The following ZNF277 variants were observed in gnomAD, a reference collection of about 807,000 sequenced individuals.
ZNF277 encodes zinc finger protein 277.
A neutral mutation model predicts 60.7 loss-of-function variants in ZNF277; 55 were observed. The ratio of observed to expected loss-of-function variants is 0.91; its 90% CI spans 0.73 to 1.13. The LOEUF (loss-of-function observed/expected upper bound fraction) is 1.13. Ranked by LOEUF, ZNF277 falls within the 50% of genes most tolerant of loss-of-function variation. The pLI is 0.00. For missense variants in ZNF277, 510 were observed against 523.0 expected, an observed-to-expected ratio of 0.98 and a Z score of 0.24; for synonymous variants, 178 against 179.3, an observed-to-expected ratio of 0.99 and a Z score of 0.06.
intron 1 of ZNF277, among the ~76,000 whole-genome samples, chr7:112,273,357 G>T (rs1362403582): frequency 1.3e-5 from 2 of 152,090 alleles, no homozygotes; most frequent in African/African-American, 2.4e-5. Context: ...ATGCAAAGTC[G>T]CACAATCACT....
intron 1 of ZNF277, among the ~76,000 whole-genome samples, chr7:112,217,982 A>G (rs1419132056): frequency 6.6e-6 from 1 of 152,162 alleles, no homozygotes; most frequent in African/African-American, 2.4e-5. Flanking sequence ...TGACCTGACC[A>G]ATCAGCTCTT....
chr7:112,287,120 T>C (rs1291285040), intron 2 of ZNF277, 46 bp downstream of exon 2: 1 of 1,592,050 alleles, frequency 6.3e-7, no homozygotes, highest in Non-Finnish European at 8.6e-7. Flanking sequence ...TGACCATGTG[T>C]GGTGGCTCAT....
intron 1 of ZNF277, among the ~76,000 whole-genome samples, chr7:112,249,389 T>C (rs1205220586): frequency 6.6e-6 from 1 of 152,202 alleles, no homozygotes; most frequent in Non-Finnish European, 1.5e-5. Context: ...TGTGACTTTG[T>C]ACTGTGTTAA....
At chr7:112,253,316 G>A (rs1279201804) in intron 1 of ZNF277, among the ~76,000 whole-genome samples, 1 of 152,104 alleles carries the variant, frequency 6.6e-6, no homozygotes, top group Non-Finnish European at 1.5e-5. Flanking sequence ...CATGGAGATG[G>A]CATTTTCATT....
chr7:112,250,071 G>T (rs1234852542), intron 1 of ZNF277, among the ~76,000 whole-genome samples: 1 of 152,192 alleles, frequency 6.6e-6, no homozygotes, highest in Non-Finnish European at 1.5e-5. Flanking sequence ...GCAAATGGGA[G>T]AAATATCGCT....
chr7:112,307,611 C>T (rs1792630474), intron 4 of ZNF277, among the ~76,000 whole-genome samples: 1 of 151,788 alleles, frequency 6.6e-6, no homozygotes, highest in African/African-American at 2.4e-5. Flanking sequence ...GACGGGGTTT[C>T]ACCATGTTGG....
intron 1 of ZNF277, among the ~76,000 whole-genome samples, chr7:112,231,138 C>G (rs149694639): frequency 4.6e-5 from 7 of 151,284 alleles, no homozygotes; most frequent in Admixed American, 4.6e-4. Context: ...CACTTGAACC[C>G]GGGAGGCGGA....
intron 1 of ZNF277, among the ~76,000 whole-genome samples, chr7:112,257,378 G>A (rs1791339994): frequency 6.6e-6 from 1 of 152,162 alleles, no homozygotes; most frequent in Non-Finnish European, 1.5e-5. Flanking sequence ...ATAGACTTTA[G>A]CAGTATTTCA....
chr7:112,311,779 A>G (rs1190221108), intron 4 of ZNF277, among the ~76,000 whole-genome samples: 1 of 152,154 alleles, frequency 6.6e-6, no homozygotes, highest in African/African-American at 2.4e-5. Context: ...ATAGAAAAGA[A>G]AAAATACTTT....
chr7:112,251,433 T>C lies in ZNF277; in HGVS notation c.92-35440T>C, dbSNP rs182824039. On this transcript the variant is annotated intron_variant, in intron 1 of 11. Coordinates refer to ENST00000361822, the MANE Select transcript of ZNF277 (RefSeq NM_021994.3). The stretch of plus-strand genomic sequence containing the variant: ...AACTTAAAAAAGTGTTTGAGAAATG[T>C]TGCTCTCTAATAATAATACCAACTC... 9.8e-5 allele frequency among the ~76,000 whole-genome samples: 15 copies of C among 152,372 alleles called. No homozygotes were observed. In the East Asian group the frequency reaches 2.1e-3, roughly 22 times the overall value.
chr7:112,302,604 A>G lies in ZNF277; in HGVS notation c.465+6293A>G, dbSNP rs551300220. Among the ~76,000 whole-genome samples the G allele has an allele frequency of 9.9e-5, 15 of 152,220 alleles. No individual in the cohort carries two copies. In the South Asian group the frequency reaches 2.9e-3, roughly 29 times the overall value. On this transcript the variant is annotated intron_variant, in intron 4 of 11. Transcript: ENST00000361822. ...TTGAGTAAGTTTAACCTTCAGATTG[A>G]TGACTGCTTTCTTTGGGAAACAAAT...
intron 1 of ZNF277, among the ~76,000 whole-genome samples, chr7:112,277,130 C>T (rs1162574541): frequency 7.3e-6 from 1 of 137,854 alleles, no homozygotes; most frequent in Non-Finnish European, 1.5e-5. Flanking sequence ...GTCGCCCAGG[C>T]TGGAGTGCAG....
At position 112,231,613 on chromosome 7, in the gene ZNF277, C is replaced by CT. The variant is rs112087784; in HGVS notation, c.91+24817dup. On this transcript the variant is annotated intron_variant, in intron 1 of 11. Coordinates refer to ENST00000361822, the MANE Select transcript of ZNF277 (RefSeq NM_021994.3). ...GGCTCCTTCCATCTCCCCATCCTCCCTTTTTTTTTTTGGATAACTTTTTAT... is the reference window on the plus strand; with the variant it reads ...GGCTCCTTCCATCTCCCCATCCTCCCTTTTTTTTTTTTGGATAACTTTTTAT... Among the ~76,000 whole-genome samples, 366 of 144,350 alleles carry CT rather than the reference C, an allele frequency of 2.5e-3. 2 individuals are homozygous for CT. Among genetic ancestry groups the CT allele is most frequent in the African/African-American group, 7.9e-3 (315 of 39,636 alleles). 94.7% of individuals were successfully genotyped at this position (144,350 alleles called of 152,430 possible).
chr7:112,264,436 A>G (rs1339784393), intron 1 of ZNF277, among the ~76,000 whole-genome samples: 4 of 152,120 alleles, frequency 2.6e-5, no homozygotes, highest in Non-Finnish European at 5.9e-5. Flanking sequence ...TTTTCACTGC[A>G]ACTTTATTTA....
At chr7:112,315,030 A>G (rs1002308197) in intron 4 of ZNF277, among the ~76,000 whole-genome samples, 53 of 152,248 alleles carry the variant, frequency 3.5e-4, no homozygotes, top group African/African-American at 1.2e-3. Flanking sequence ...CTGGGCATGC[A>G]TCAGATAAAC....
intron 1 of ZNF277, among the ~76,000 whole-genome samples, chr7:112,242,099 T>C (rs191728590): frequency 8.5e-5 from 13 of 152,176 alleles, no homozygotes; most frequent in Admixed American, 8.5e-4. Context: ...TGTCAAAATA[T>C]CTTATGTACC....
intron 1 of ZNF277, among the ~76,000 whole-genome samples, chr7:112,272,201 C>T (rs1791685057): frequency 2.0e-5 from 3 of 152,104 alleles, no homozygotes; most frequent in Non-Finnish European, 4.4e-5. Flanking sequence ...ATTTTGTTCC[C>T]GGCTGATTTC....
chr7:112,249,516 A>C (rs900906540), intron 1 of ZNF277, among the ~76,000 whole-genome samples: 1 of 152,104 alleles, frequency 6.6e-6, no homozygotes, highest in African/African-American at 2.4e-5. Flanking sequence ...GATAGTAGAA[A>C]GCAGGAGAGA....
chr7:112,287,011 A>G lies in ZNF277; in HGVS notation c.230A>G (p.Lys77Arg). 6.2e-7 allele frequency: 1 copy of G among 1,614,062 alleles called. No homozygotes were observed. ...FPVAEQDKLL[K>R]HMIIEHKIVI... ...GTGGCTGAACAAGACAAACTTCTGA[A>G]GCACATGATTATTGAGCATAAGATT... The change falls in exon 2 of 12, where the codon AAG becomes AGG. Residue 77 changes from lysine to arginine, a missense_variant. Lys to Arg is a conservative substitution (Grantham distance 26). Coordinates refer to ENST00000361822, the MANE Select transcript of ZNF277 (RefSeq NM_021994.3).
Sources: gnomAD v4.1 joint callset for allele counts (sites outside exome capture counted in the v4.1 genomes callset) on GRCh38, gnomAD v4.1.1 for gene constraint, MANE v1.5 for transcripts, NCBI Gene and HGNC (gene_info 2026-07-23, HGNC 2026-07-21) for gene names.